Variants in HERC3 observed in about 807,000 individuals in gnomAD.
HERC3 encodes HECT and RLD domain containing E3 ubiquitin protein ligase 3, also known as probable E3 ubiquitin-protein ligase HERC3.
HERC3 carries 58 observed loss-of-function variants against 129.9 expected under a neutral mutation model. The ratio of observed to expected loss-of-function variants is 0.45; its 90% CI spans 0.36 to 0.56. The LOEUF (loss-of-function observed/expected upper bound fraction) is 0.56, where lower values mean the gene tolerates loss of function less well. HERC3 is among the 20% of genes least tolerant of loss of function. The pLI, the probability that HERC3 is intolerant of heterozygous loss-of-function variation, is 0.00. For missense variants in HERC3, 835 were observed against 1,244.2 expected, an observed-to-expected ratio of 0.67 and a Z score of 4.95; for synonymous variants, 430 against 451.0, an observed-to-expected ratio of 0.95 and a Z score of 0.59.
intron 3 of HERC3, among the ~76,000 whole-genome samples, chr4:88,645,070 G>A (rs1262293810): frequency 3.3e-5 from 5 of 152,022 alleles, no homozygotes; most frequent in South Asian, 2.1e-4. Context: ...TGTTTTGAGC[G>A]GTTTGCCGAG....
At chr4:88,637,511 T>A (rs1470287470) in intron 3 of HERC3, among the ~76,000 whole-genome samples, 1 of 152,028 alleles carries the variant, frequency 6.6e-6, no homozygotes, top group Non-Finnish European at 1.5e-5. Flanking sequence ...AATAATGAAA[T>A]TAAGGCAGAA....
chr4:88,652,945 C>A lies in HERC3; in HGVS notation c.540C>A (p.Ser180Arg). Residue 180 changes from serine (S) to arginine (R), a missense_variant, in exon 6 of 26, where the codon AGC becomes AGA. Coordinates refer to ENST00000402738, the MANE Select transcript of HERC3 (RefSeq NM_014606.3). ...GLGKEFPSQA[S>R]PQRVRSLEGI... Reference sequence around the variant, plus strand: ...GGAAGGAGTTCCCCTCCCAAGCCAGCCCACAGAGGGTGAGGTCCCTGGAGG... The same window carrying A: ...GGAAGGAGTTCCCCTCCCAAGCCAGACCACAGAGGGTGAGGTCCCTGGAGG... The A allele has an allele frequency of 1.2e-6, 2 of 1,614,104 alleles. No homozygotes were observed. Among genetic ancestry groups the A allele is most frequent in the Non-Finnish European group, 1.7e-6 (2 of 1,180,030 alleles).
At chr4:88,577,918 T>G in the HERC3 span, among the ~76,000 whole-genome samples, 2 of 152,164 alleles carry the variant, frequency 1.3e-5, no homozygotes, top group African/African-American at 4.8e-5. Context: ...AATCTCTTCA[T>G]TTTTCAGATT....
At position 88,624,728 on chromosome 4, in the gene HERC3, A is replaced by G. The variant is rs115264633; in HGVS notation, c.226+18679A>G. On this transcript the variant is annotated intron_variant, in intron 3 of 25. Transcript: ENST00000402738. ...TAATTTTAATGAAGTCTAATTTTCA[A>G]TTTTTACTTTCACAGTTTATGCTTT... Among the ~76,000 whole-genome samples, 1,447 of 152,210 alleles carry G rather than the reference A, an allele frequency of 9.5e-3. 20 individuals are homozygous for G. Among genetic ancestry groups the G allele is most frequent in the African/African-American group, 0.032 (1,345 of 41,524 alleles).
In HERC3 at chr4:88,673,686, A is replaced by G. The variant is rs111743313; in HGVS notation, c.1912-2532A>G. On this transcript the variant is annotated intron_variant, in intron 16 of 25. Coordinates refer to ENST00000402738, the MANE Select transcript of HERC3 (RefSeq NM_014606.3). Reference sequence around the variant, plus strand: ...AAAATCATGCAGATTTATTTTGTATAATATGGAAATACCAGTGTGAGTACA... The same window carrying G: ...AAAATCATGCAGATTTATTTTGTATGATATGGAAATACCAGTGTGAGTACA... Among the ~76,000 whole-genome samples, 365 of 152,360 alleles carry G rather than the reference A, an allele frequency of 2.4e-3. 2 individuals are homozygous for G. Among genetic ancestry groups the G allele is most frequent in the African/African-American group, 8.4e-3 (349 of 41,586 alleles).
At chr4:88,609,529 T>A (rs1724057190) in intron 3 of HERC3, among the ~76,000 whole-genome samples, 1 of 152,184 alleles carries the variant, frequency 6.6e-6, no homozygotes, top group Non-Finnish European at 1.5e-5. Flanking sequence ...GGATCTAGTT[T>A]TTTATCTACC....
At chr4:88,615,678 A>G (rs557500606) in intron 3 of HERC3, among the ~76,000 whole-genome samples, 10 of 152,122 alleles carry the variant, frequency 6.6e-5, no homozygotes, top group Non-Finnish European at 2.9e-5. Context: ...AATAATGTCT[A>G]CTTATTAGGG....
chr4:88,571,029 AT>A, the HERC3 span, among the ~76,000 whole-genome samples: 1 of 152,070 alleles, frequency 6.6e-6, no homozygotes. Context: ...AAATGCTGGG[AT>A]TACAGGTGTG....
the HERC3 span, chr4:88,528,050 A>T: frequency 3.0e-5 from 9 of 296,070 alleles, no homozygotes; most frequent in Admixed American, 1.9e-4. Flanking sequence ...TTTCACGCCA[A>T]TTTCCTGTAT....
At chr4:88,684,429 A>G (rs1733166208) in intron 21 of HERC3, among the ~76,000 whole-genome samples, 1 of 152,218 alleles carries the variant, frequency 6.6e-6, no homozygotes, top group Non-Finnish European at 1.5e-5. Context: ...GAAAACAGAA[A>G]CTGGACCCCT....
intron 24 of HERC3, 72 bp downstream of exon 24, chr4:88,704,353 G>A: frequency 6.7e-7 from 1 of 1,482,034 alleles, no homozygotes; most frequent in Admixed American, 1.7e-5. Context: ...TGTTCCCAGA[G>A]CCTGGTCTCG....
At chr4:88,701,611 T>G (rs1735323648) in intron 23 of HERC3, among the ~76,000 whole-genome samples, 1 of 152,168 alleles carries the variant, frequency 6.6e-6, no homozygotes, top group Admixed American at 6.6e-5. Flanking sequence ...TTCAGATTTT[T>G]TAATAAAAGA....
At chr4:88,566,501 T>G in the HERC3 span, among the ~76,000 whole-genome samples, 1 of 152,248 alleles carries the variant, frequency 6.6e-6, no homozygotes, top group East Asian at 1.9e-4. Flanking sequence ...CAACTCATCT[T>G]TCAGTCTTTC....
At chr4:88,606,839 G>A (rs930476871) in intron 3 of HERC3, among the ~76,000 whole-genome samples, 1 of 152,122 alleles carries the variant, frequency 6.6e-6, no homozygotes, top group South Asian at 2.1e-4. Context: ...TTTGGGTGGG[G>A]ACACAGCCAA....
chr4:88,606,145 TC>T, intron 3 of HERC3, 96 bp downstream of exon 3: 1 of 982,676 alleles, frequency 1.0e-6, no homozygotes, highest in Non-Finnish European at 1.5e-6. Flanking sequence ...CACCAAGTGT[TC>T]GGTTTTCAGG....
the HERC3 span, among the ~76,000 whole-genome samples, chr4:88,557,584 T>C: frequency 2.7e-4 from 41 of 152,364 alleles, no homozygotes; most frequent in African/African-American, 9.4e-4. Context: ...GATAATTTCA[T>C]TGAGTGACTT....
chr4:88,626,138 G>A (rs1343578712), intron 3 of HERC3, among the ~76,000 whole-genome samples: 4 of 152,138 alleles, frequency 2.6e-5, no homozygotes, highest in African/African-American at 9.7e-5. Context: ...ATGAAATGAG[G>A]TGAGAAGTGT....
chr4:88,577,933 A>G, the HERC3 span, among the ~76,000 whole-genome samples: 1,022 of 152,290 alleles, frequency 6.7e-3, 12 homozygotes, highest in African/African-American at 0.023. Flanking sequence ...CAGATTATCA[A>G]TCATGGGTAA....
chr4:88,703,727 C>G (rs962589819), intron 23 of HERC3, among the ~76,000 whole-genome samples: 2 of 152,130 alleles, frequency 1.3e-5, no homozygotes, highest in Non-Finnish European at 2.9e-5. Context: ...AACTGTTATC[C>G]TAGACTTTTT....
Sources: gnomAD v4.1 joint callset for allele counts (sites outside exome capture counted in the v4.1 genomes callset) on GRCh38, gnomAD v4.1.1 for gene constraint, MANE v1.5 for transcripts, NCBI Gene and HGNC (gene_info 2026-07-23, HGNC 2026-07-21) for gene names.